The following GLIS1 variants were observed in gnomAD, a reference collection of about 807,000 sequenced individuals.
GLIS1 encodes the protein GLIS family zinc finger 1, also known as zinc finger protein GLIS1.
A neutral mutation model predicts 63.8 loss-of-function variants in GLIS1; 24 were observed. The ratio of observed to expected loss-of-function variants is 0.38; its 90% CI spans 0.27 to 0.53. The LOEUF (loss-of-function observed/expected upper bound fraction) is 0.53. Ranked by LOEUF, GLIS1 falls within the 20% of genes least tolerant of loss-of-function variation. The probability of loss-of-function intolerance (pLI) is 0.85; values close to 1 mark genes in which losing one functional copy is unlikely to be tolerated. For synonymous variants in GLIS1, 450 were observed against 482.5 expected, an observed-to-expected ratio of 0.93 and a Z score of 0.88; for missense variants, 1,036 against 1,074.1, an observed-to-expected ratio of 0.96 and a Z score of 0.50.
intron 4 of GLIS1, among the ~76,000 whole-genome samples, chr1:53,573,283 G>T (rs926692133): frequency 6.6e-6 from 1 of 152,064 alleles, no homozygotes; most frequent in African/African-American, 2.4e-5. Context: ...GTCCATCCTG[G>T]TACAGAGCTG....
At chr1:53,685,532 C>A (rs1646327195) in intron 2 of GLIS1, among the ~76,000 whole-genome samples, 1 of 152,224 alleles carries the variant, frequency 6.6e-6, no homozygotes, top group South Asian at 2.1e-4. Context: ...CTGATTTTTA[C>A]AATCTGATTA....
At chr1:53,562,745 G>A (rs969982412) in intron 4 of GLIS1, among the ~76,000 whole-genome samples, 1 of 152,160 alleles carries the variant, frequency 6.6e-6, no homozygotes, top group African/African-American at 2.4e-5. Context: ...TAGAAACCTC[G>A]ATTTCCTCAT....
At chr1:53,548,058 G>A (rs1291420001) in intron 4 of GLIS1, among the ~76,000 whole-genome samples, 2 of 152,224 alleles carry the variant, frequency 1.3e-5, no homozygotes, top group Admixed American at 6.5e-5. Flanking sequence ...CTCCCTGCTG[G>A]CCGCATCCTC....
chr1:53,506,560 A>C lies in GLIS1; in HGVS notation c.*59T>G. The C allele has an allele frequency of 6.4e-7, 1 of 1,554,122 alleles. No individual in the cohort carries two copies. The highest frequency in any genetic ancestry group is 8.8e-7 in the Non-Finnish European group (1 of 1,132,268). ...TAGGTGCACGGAGGGTGGGAGCGACAGCAGGTGGGCGAGGTGGCATCTGCA... is the reference window on the plus strand; with the variant it reads ...TAGGTGCACGGAGGGTGGGAGCGACCGCAGGTGGGCGAGGTGGCATCTGCA... On this transcript the variant is annotated 3_prime_UTR_variant, in exon 11 of 11. Coordinates refer to ENST00000628545, the MANE Select transcript of GLIS1 (RefSeq NM_001367484.1).
At chr1:53,671,541 A>AT (rs1177188802) in intron 2 of GLIS1, among the ~76,000 whole-genome samples, 1 of 152,236 alleles carries the variant, frequency 6.6e-6, no homozygotes, top group Non-Finnish European at 1.5e-5. Context: ...GAGTAGAACC[A>AT]GGATCAATGG....
At chr1:53,531,341 T>G (rs892884326) in intron 4 of GLIS1, among the ~76,000 whole-genome samples, 1 of 152,190 alleles carries the variant, frequency 6.6e-6, no homozygotes, top group Non-Finnish European at 1.5e-5. Flanking sequence ...GATGAGCTGG[T>G]AGCAGCCGTG....
At chr1:53,616,095 T>A (rs548823119) in intron 2 of GLIS1, among the ~76,000 whole-genome samples, 1 of 152,338 alleles carries the variant, frequency 6.6e-6, no homozygotes, top group East Asian at 1.9e-4. Flanking sequence ...TTACTGCTTC[T>A]AAGATTCCAT....
chr1:53,523,324 G>C (rs1644430644), intron 6 of GLIS1, among the ~76,000 whole-genome samples: 1 of 151,994 alleles, frequency 6.6e-6, no homozygotes, highest in African/African-American at 2.4e-5. Context: ...AACTTCCCAA[G>C]CCTGGCGGTC....
At chr1:53,692,621 G>A (rs899422822) in intron 2 of GLIS1, among the ~76,000 whole-genome samples, 2 of 152,224 alleles carry the variant, frequency 1.3e-5, no homozygotes, top group African/African-American at 4.8e-5. Context: ...AGCCACTGTG[G>A]GTGTAGCTGG....
chr1:53,674,171 CAAAA>C (rs11297748), intron 2 of GLIS1, among the ~76,000 whole-genome samples: 5 of 94,122 alleles, frequency 5.3e-5, no homozygotes, highest in Admixed American at 2.2e-4. Context: ...GACTCTGTCT[CAAAA>C]AAAAAAAAAA....
At chr1:53,644,425 G>A (rs1645820382) in intron 2 of GLIS1, among the ~76,000 whole-genome samples, 1 of 152,216 alleles carries the variant, frequency 6.6e-6, no homozygotes, top group Non-Finnish European at 1.5e-5. Context: ...AGATGTTTGG[G>A]AGAAGACAGT....
At chr1:53,512,183 G>A (rs539534883) in intron 8 of GLIS1, among the ~76,000 whole-genome samples, 25 of 152,310 alleles carry the variant, frequency 1.6e-4, no homozygotes, top group Non-Finnish European at 2.6e-4. Context: ...CAGACATGAC[G>A]CCTGAGGCTA....
rs531316300 is a variant in GLIS1, at chr1:53,566,762, A to G, written c.1320+27346T>C. ...TTCTCTCTCTCTTTCCTGCTCCACC[A>G]TGGTAAGACATGCTTGCTTCCCCTT... On this transcript the variant is annotated intron_variant, in intron 4 of 10. Transcript: ENST00000628545. 1.4e-4 allele frequency among the ~76,000 whole-genome samples: 22 copies of G among 152,292 alleles called. No homozygotes were observed. The East Asian group carries it at 3.9e-3, about 27-fold the overall frequency.
chr1:53,696,066 TC>T (rs2100476803), intron 2 of GLIS1, among the ~76,000 whole-genome samples: 1 of 152,314 alleles, frequency 6.6e-6, no homozygotes, highest in Admixed American at 6.5e-5. Context: ...GCTTCTCCAC[TC>T]CCAGCAGTTA....
intron 2 of GLIS1, among the ~76,000 whole-genome samples, chr1:53,613,444 C>A (rs1025206526): frequency 1.3e-5 from 2 of 152,008 alleles, no homozygotes; most frequent in African/African-American, 4.8e-5. Context: ...GCATTTATAA[C>A]AGAAAAGAAT....
intron 2 of GLIS1, among the ~76,000 whole-genome samples, chr1:53,699,055 T>C (rs1043216664): frequency 6.7e-6 from 1 of 149,016 alleles, no homozygotes; most frequent in Non-Finnish European, 1.5e-5. Flanking sequence ...TGTTTGTTTG[T>C]TTTTTATTTT....
intron 4 of GLIS1, among the ~76,000 whole-genome samples, chr1:53,578,492 C>A (rs564903915): frequency 6.6e-6 from 1 of 152,302 alleles, no homozygotes; most frequent in East Asian, 1.9e-4. Flanking sequence ...CTTCCTCCAG[C>A]CATCAGCTCA....
intron 1 of GLIS1, among the ~76,000 whole-genome samples, chr1:53,738,453 C>G (rs1646934370): frequency 6.6e-6 from 1 of 152,160 alleles, no homozygotes; most frequent in African/African-American, 2.4e-5. Context: ...TGTTCCGCGT[C>G]CCCCAGTGGA....
At chr1:53,695,221 T>A (rs1646452423) in intron 2 of GLIS1, among the ~76,000 whole-genome samples, 1 of 152,256 alleles carries the variant, frequency 6.6e-6, no homozygotes, top group African/African-American at 2.4e-5. Context: ...TCCCCACTTA[T>A]GTGACCACAG....
Sources: allele counts gnomAD v4.1 joint callset (sites outside exome capture counted in the v4.1 genomes callset), GRCh38; gene constraint gnomAD v4.1.1; transcripts MANE v1.5; gene names NCBI Gene and HGNC (gene_info 2026-07-23, HGNC 2026-07-21).